The following GLB1 variants were observed in gnomAD, a reference collection of about 807,000 sequenced individuals.
The protein encoded by GLB1 is beta-galactosidase.
GLB1 carries 56 observed loss-of-function variants against 74.0 expected under a neutral mutation model. The observed-to-expected ratio is 0.76, with a 90% CI of 0.61 to 0.94. The LOEUF (loss-of-function observed/expected upper bound fraction) is 0.94, where lower values mean the gene tolerates loss of function less well. Ranked by LOEUF, GLB1 falls within the 40% of genes least tolerant of loss-of-function variation. GLB1 has a pLI of 0.00. For missense variants in GLB1, 787 were observed against 845.5 expected (o/e 0.93, Z 0.86); for synonymous variants, 323 against 323.6 (o/e 1.00, Z 0.02).
intron 10 of GLB1, chr3:33,029,900 CA>C (rs1346346897): frequency 6.8e-6 from 1 of 147,386 alleles, no homozygotes; most frequent in Non-Finnish European, 1.5e-5. Flanking sequence ...ACCCCTGTGA[CA>C]CACAGTTAAC....
intron 10 of GLB1, among the ~76,000 whole-genome samples, chr3:33,038,295 T>A (rs1390296660): frequency 6.6e-6 from 1 of 152,150 alleles, no homozygotes; most frequent in African/African-American, 2.4e-5. Flanking sequence ...AAGTGGATGA[T>A]CGACAGATCT....
intron 6 of GLB1, among the ~76,000 whole-genome samples, chr3:33,053,751 G>A (rs1177552560): frequency 1.3e-5 from 2 of 152,176 alleles, no homozygotes; most frequent in Non-Finnish European, 2.9e-5. Context: ...AGTCATAAGG[G>A]CTCCACCTTC....
chr3:32,979,610 T>A, the GLB1 span, among the ~76,000 whole-genome samples: 2 of 152,020 alleles, frequency 1.3e-5, no homozygotes, highest in Non-Finnish European at 2.9e-5. Context: ...CCCAGCACTT[T>A]GGGAGGCCAA....
Position 33,093,965 on chromosome 3 carries a change from T to C in GLB1, c.75+3046A>G. The C allele has an allele frequency of 6.2e-7, 1 of 1,614,156 alleles. No homozygotes were observed. The highest frequency in any genetic ancestry group is 8.5e-7 in the Non-Finnish European group (1 of 1,180,022). ...TCCAAAGCTGAAAACAGGTTGACTC[T>C]GCAGCTGGGGAGTGGCAGAGGTTGC... is the stretch of plus-strand genomic sequence containing the variant. On this transcript the variant is annotated intron_variant, in intron 1 of 15. Transcript: ENST00000307363. This position sits in a 1 kb window ranked among gnomAD's most constrained non-coding sequence, Gnocchi z 6.0.
At chr3:33,050,451 T>G (rs6783481) in intron 9 of GLB1, among the ~76,000 whole-genome samples, 17,953 of 152,292 alleles carry the variant, frequency 0.12, 1,219 homozygotes, top group Admixed American at 0.17. Flanking sequence ...GGAATACTAT[T>G]CAGCAATAAA....
chr3:33,087,579 GCACA>G (rs57935919), intron 1 of GLB1, among the ~76,000 whole-genome samples: 31,308 of 141,386 alleles, frequency 0.22, 3,856 homozygotes, highest in Middle Eastern at 0.27. Flanking sequence ...CAGCATGCGC[GCACA>G]CACACACACA....
chr3:32,983,325 C>A, the GLB1 span, among the ~76,000 whole-genome samples: 2 of 152,138 alleles, frequency 1.3e-5, no homozygotes, highest in Non-Finnish European at 2.9e-5. Context: ...CATTCTATAT[C>A]ATTTCTTCTG....
At chr3:32,971,232 G>A in the GLB1 span, among the ~76,000 whole-genome samples, 1 of 152,202 alleles carries the variant, frequency 6.6e-6, no homozygotes. Context: ...TAAAGCCAGA[G>A]CTACCTTTTT....
intron 7 of GLB1, 29 bp downstream of exon 7, chr3:33,053,462 C>T (rs1488619268): frequency 4.3e-6 from 7 of 1,614,044 alleles, no homozygotes; most frequent in Non-Finnish European, 5.9e-6. Context: ...TTAACAGCTG[C>T]AAACACACAC....
chr3:32,966,931 T>C, the GLB1 span, among the ~76,000 whole-genome samples: 1 of 152,202 alleles, frequency 6.6e-6, no homozygotes, highest in East Asian at 1.9e-4. Flanking sequence ...TCCCCAGCCA[T>C]GTGGAACTGT....
chr3:32,979,762 G>GA, the GLB1 span, among the ~76,000 whole-genome samples: 3 of 151,128 alleles, frequency 2.0e-5, no homozygotes, highest in African/African-American at 7.3e-5. Context: ...TGAAGTGGGA[G>GA]GATGGCTGGA....
intron 10 of GLB1, among the ~76,000 whole-genome samples, chr3:33,037,597 G>A (rs1486808664): frequency 1.3e-5 from 2 of 152,118 alleles, no homozygotes; most frequent in Non-Finnish European, 2.9e-5. Context: ...AAAAACTACA[G>A]TGCTCATGTC....
chr3:33,002,645 G>C (rs943801105), intron 15 of GLB1, among the ~76,000 whole-genome samples: 1 of 152,158 alleles, frequency 6.6e-6, no homozygotes, highest in Non-Finnish European at 1.5e-5. Context: ...CTGGCCTCAA[G>C]TGATCCTCCT....
chr3:33,014,061 T>C lies in GLB1; in HGVS notation c.1729A>G (p.Thr577Ala). 1 of 1,614,186 alleles carries C rather than the reference T, an allele frequency of 6.2e-7. No homozygotes were observed. Among genetic ancestry groups the C allele is most frequent in the Non-Finnish European group, 8.5e-7 (1 of 1,180,040 alleles). The change falls in exon 15 of 16, where the codon ACC becomes GCC. Residue 577 changes from threonine to alanine, a missense_variant. By Grantham distance (58) the Thr-to-Ala change is moderately conservative (BLOSUM62 0). Transcript: ENST00000307363. Reference sequence around the variant, plus strand: ...CTTCCCATGAAGACACGTACCTTGGTCCATCCAGGAAACTGGATAAAGGTG... The same window carrying C: ...CTTCCCATGAAGACACGTACCTTGGCCCATCCAGGAAACTGGATAAAGGTG... ...QDTFIQFPGW[T>A]KGQVWINGFN...
chr3:33,047,267 C>T (rs375180263), intron 9 of GLB1, among the ~76,000 whole-genome samples: 2 of 152,292 alleles, frequency 1.3e-5, no homozygotes, highest in African/African-American at 2.4e-5. Flanking sequence ...GTGCAAGGGG[C>T]GGGGTCTAGA....
intron 1 of GLB1, among the ~76,000 whole-genome samples, chr3:33,080,157 G>A (rs9311002): frequency 0.23 from 34,550 of 151,766 alleles, 6,005 homozygotes; most frequent in African/African-American, 0.47. Context: ...AGGCTGGAGT[G>A]CAATGGCACA....
At position 33,046,116 on chromosome 3, in the gene GLB1, C is replaced by T. The variant is rs373545509; in HGVS notation, c.1068+4G>A. 8 of 1,612,332 alleles carry T rather than the reference C, an allele frequency of 5.0e-6. No individual in the cohort carries two copies. In the African/African-American group the frequency reaches 9.3e-5, roughly 19 times the overall value. ...GCCCACCACAGCTCATACAAAGCAC[C>T]CACCTTCTGGATGATGTTTCGCAGA... is the stretch of plus-strand genomic sequence containing the variant. On this transcript the variant is annotated splice_donor_region_variant and intron_variant, in intron 10 of 15. Coordinates refer to ENST00000307363, the MANE Select transcript of GLB1 (RefSeq NM_000404.4).
chr3:33,036,336 G>A (rs538308617), intron 10 of GLB1, among the ~76,000 whole-genome samples: 3 of 152,292 alleles, frequency 2.0e-5, no homozygotes, highest in African/African-American at 7.2e-5. Context: ...GTAGCTAGAA[G>A]TATGAGAGAA....
At chr3:33,068,669 G>T in intron 3 of GLB1, 151 bp downstream of exon 3, 1 of 1,455,616 alleles carries the variant, frequency 6.9e-7, no homozygotes. Flanking sequence ...TCTCTGCCTG[G>T]GCACCTTGTC....
Sources: allele counts gnomAD v4.1 joint callset (sites outside exome capture counted in the v4.1 genomes callset), GRCh38; gene constraint gnomAD v4.1.1; non-coding constraint Gnocchi (gnomAD v3.1); transcripts MANE v1.5; gene names NCBI Gene and HGNC (gene_info 2026-07-23, HGNC 2026-07-21).